PDK1: variants seen among roughly 807,000 people sequenced by gnomAD.
PDK1 encodes the protein [Pyruvate dehydrogenase (acetyl-transferring)] kinase isozyme 1, mitochondrial.
Under a neutral mutation model 54.2 loss-of-function variants are expected in PDK1, and 39 were observed. The observed-to-expected ratio is 0.72, with a 90% CI of 0.56 to 0.94. The LOEUF (loss-of-function observed/expected upper bound fraction) is 0.94. Among genes scored for constraint, PDK1 ranks in the 40% least tolerant of loss-of-function variants. The probability of loss-of-function intolerance (pLI) is 0.00; values close to 1 mark genes in which losing one functional copy is unlikely to be tolerated. For missense variants in PDK1, 552 were observed against 566.0 expected (o/e 0.98, Z 0.25); for synonymous variants, 221 against 207.1 (o/e 1.07, Z -0.58).
chr2:172,692,577 A>G, the PDK1 span, among the ~76,000 whole-genome samples: 1 of 152,166 alleles, frequency 6.6e-6, no homozygotes, highest in Non-Finnish European at 1.5e-5. Flanking sequence ...TGCTGAGCAA[A>G]GAGACAGGAG....
At chr2:172,579,087 A>G (rs541851095) in intron 8 of PDK1, among the ~76,000 whole-genome samples, 4 of 152,246 alleles carry the variant, frequency 2.6e-5, no homozygotes, top group Admixed American at 6.5e-5. Flanking sequence ...GAGATAGCTG[A>G]GGTTTTCAAA....
Position 172,571,823 on chromosome 2 carries a change from C to CGTTTTTTTTTTTTTTTTTTTT in PDK1, c.945+999_945+1000insGTTTTTTTTTTTTTTTTTTTT, listed in dbSNP as rs765005051. 3.0e-5 allele frequency among the ~76,000 whole-genome samples: 3 copies of CGTTTTTTTTTTTTTTTTTTTT among 99,784 alleles called. 1 individual carries two copies. Among genetic ancestry groups the CGTTTTTTTTTTTTTTTTTTTT allele is most frequent in the African/African-American group, 7.8e-5 (2 of 25,584 alleles). The allele number at this position is 99,784 out of a possible 152,430, so 65.5% of individuals were successfully genotyped here. A position where few individuals can be genotyped will look rare whatever the true frequency, so the allele number is the denominator to read the frequency against. The stretch of plus-strand genomic sequence containing the variant: ...CTCAGAGATTCTTAGTCTTTCTTTA[C>CGTTTTTTTTTTTTTTTTTTTT]TTTTTTTTTTTTTTTTTTTTTTTTT... On this transcript the variant is annotated intron_variant, in intron 8 of 10. Transcript: ENST00000282077.
chr2:172,637,670 T>C, the PDK1 span, among the ~76,000 whole-genome samples: 1 of 152,148 alleles, frequency 6.6e-6, no homozygotes, highest in South Asian at 2.1e-4. Flanking sequence ...TCTCTACTTC[T>C]ACATCAATAG....
At chr2:172,556,475 C>T in intron 1 of PDK1, 129 bp downstream of exon 1, 3 of 595,786 alleles carry the variant, frequency 5.0e-6, no homozygotes, top group South Asian at 8.1e-5. Flanking sequence ...AGCGTTTCCG[C>T]CCCCAGCGCC....
At position 172,556,229 on chromosome 2, in the gene PDK1, A is replaced by AGCG; in HGVS notation, c.81_82insGGC (p.Ser27_Phe28insGly). 2.1e-6 allele frequency: 3 copies of AGCG among 1,439,130 alleles called. No individual in the cohort carries two copies. The highest frequency in any genetic ancestry group is 1.8e-6 in the Non-Finnish European group (2 of 1,102,962). 89.1% of individuals were successfully genotyped at this position (1,439,130 alleles called of 1,614,324 possible). The stretch of plus-strand genomic sequence containing the variant: ...GCTGCGCGCCGCCGGCTTCAGCCGC[A>AGCG]GCTTCAGCTCGGACTCGGGCTCCAG... On this transcript the variant is annotated inframe_insertion, in exon 1 of 11. Transcript: ENST00000282077.
intron 3 of PDK1, chr2:172,562,631 C>A: frequency 1.4e-6 from 1 of 698,130 alleles, no homozygotes; most frequent in Non-Finnish European, 2.5e-6. Context: ...CTGCCCATAT[C>A]ATCTGATTGT....
In PDK1 at chr2:172,606,376, G is replaced by A. The variant is rs987868094; in HGVS notation, c.*10407G>A. The A allele has an allele frequency of 5.3e-5, 8 of 152,152 alleles. No homozygotes were observed. The highest frequency in any genetic ancestry group is 1.7e-4 in the African/African-American group (7 of 41,432). The allele number at this position is 152,152 out of a possible 1,614,324, so 9.4% of individuals were successfully genotyped here. ...GATGTAATGAATACTTACCATTTTT[G>A]TGGAAGCCCACAACCTTTTGAATGG... On this transcript the variant is annotated 3_prime_UTR_variant, in exon 11 of 11. Transcript: ENST00000282077.
the PDK1 span, among the ~76,000 whole-genome samples, chr2:172,656,751 A>T: frequency 6.6e-6 from 1 of 152,168 alleles, no homozygotes; most frequent in Non-Finnish European, 1.5e-5. Context: ...TCCTGTCTTT[A>T]CCAAAAATAC....
Position 172,606,507 on chromosome 2 carries a change from T to A in PDK1, c.*10538T>A, listed in dbSNP as rs1691299515. 1 of 152,216 alleles carries A rather than the reference T, an allele frequency of 6.6e-6. No homozygotes were observed. 9.4% of individuals were successfully genotyped at this position (152,216 alleles called of 1,614,324 possible). A position where few individuals can be genotyped will look rare whatever the true frequency, so the allele number is the denominator to read the frequency against. ...CTTCGGTAATTAGAAACATCTGCACTCAGCAACATGAAGCACAAGTTCTGT... is the reference window on the plus strand; with the variant it reads ...CTTCGGTAATTAGAAACATCTGCACACAGCAACATGAAGCACAAGTTCTGT... On this transcript the variant is annotated 3_prime_UTR_variant, in exon 11 of 11. Coordinates refer to ENST00000282077, the MANE Select transcript of PDK1 (RefSeq NM_002610.5).
At chr2:172,699,583 C>T in the PDK1 span, among the ~76,000 whole-genome samples, 1 of 150,058 alleles carries the variant, frequency 6.7e-6, no homozygotes, top group Non-Finnish European at 1.5e-5. Flanking sequence ...CAGGTAATTG[C>T]GACCGATTTT....
the PDK1 span, among the ~76,000 whole-genome samples, chr2:172,686,806 T>G: frequency 6.6e-6 from 1 of 152,284 alleles, no homozygotes; most frequent in South Asian, 2.1e-4. Context: ...TCCGGACACA[T>G]CTTGATCTAA....
chr2:172,688,249 G>C, the PDK1 span, among the ~76,000 whole-genome samples: 1 of 152,140 alleles, frequency 6.6e-6, no homozygotes, highest in African/African-American at 2.4e-5. Context: ...AGCTCCTTCT[G>C]GATTGTGCCA....
chr2:172,707,862 T>C, the PDK1 span, among the ~76,000 whole-genome samples: 2 of 152,224 alleles, frequency 1.3e-5, no homozygotes, highest in Non-Finnish European at 2.9e-5. Context: ...AATGTTTGCT[T>C]AAAGTTCTAA....
At chr2:172,631,714 C>T in the PDK1 span, among the ~76,000 whole-genome samples, 1 of 152,074 alleles carries the variant, frequency 6.6e-6, no homozygotes, top group African/African-American at 2.4e-5. Context: ...AGGTATATAT[C>T]CTAAGGATAT....
the PDK1 span, among the ~76,000 whole-genome samples, chr2:172,616,107 C>A: frequency 1.3e-5 from 2 of 152,132 alleles, no homozygotes; most frequent in African/African-American, 4.8e-5. Context: ...CTAACAAAGC[C>A]AAATGTGAGA....
At chr2:172,636,617 A>G in the PDK1 span, among the ~76,000 whole-genome samples, 1 of 151,416 alleles carries the variant, frequency 6.6e-6, no homozygotes, top group Non-Finnish European at 1.5e-5. Context: ...GCTACTCAGG[A>G]GGTTGAGACA....
At chr2:172,643,522 A>G in the PDK1 span, among the ~76,000 whole-genome samples, 2 of 152,032 alleles carry the variant, frequency 1.3e-5, no homozygotes, top group African/African-American at 4.8e-5. Flanking sequence ...CTGCCCAAAT[A>G]CCCAGAATGC....
the PDK1 span, among the ~76,000 whole-genome samples, chr2:172,679,563 C>T: frequency 8.2e-4 from 125 of 152,246 alleles, no homozygotes; most frequent in African/African-American, 2.6e-3. Flanking sequence ...TTTTGGAAAA[C>T]ATTTTTATAG....
the PDK1 span, among the ~76,000 whole-genome samples, chr2:172,634,703 G>GTACCTGAGGAA: frequency 6.7e-6 from 1 of 148,300 alleles, no homozygotes; most frequent in Non-Finnish European, 1.5e-5. Flanking sequence ...CCTTTTTCAT[G>GTACCTGAGGAA]TTCAGGTACA....
Sources: allele counts gnomAD v4.1 joint callset (sites outside exome capture counted in the v4.1 genomes callset), GRCh38; gene constraint gnomAD v4.1.1; transcripts MANE v1.5; gene names NCBI Gene and HGNC (gene_info 2026-07-23, HGNC 2026-07-21).